DNAH9: variants seen among roughly 807,000 people sequenced by gnomAD.
The protein encoded by DNAH9 is dynein axonemal heavy chain 9, also known as DNAH9 variant protein.
DNAH9 carries 345 observed loss-of-function variants against 471.6 expected under a neutral mutation model. The ratio of observed to expected loss-of-function variants is 0.73; its 90% CI spans 0.67 to 0.80. The LOEUF is 0.80. Among genes scored for constraint, DNAH9 ranks in the 30% least tolerant of loss-of-function variants. The pLI, the probability that DNAH9 is intolerant of heterozygous loss-of-function variation, is 0.00. For missense variants in DNAH9, 5,407 were observed against 5,609.2 expected (o/e 0.96, Z 1.15); for synonymous variants, 2,093 against 2,123.6 (o/e 0.99, Z 0.40).
Position 11,690,030 on chromosome 17 carries a change from C to T in DNAH9, c.4208C>T (p.Thr1403Ile). ...GTGAGCTTCACTATGGACCAGGACA[C>T]CACCCTAGCGCACCTGCTGCAGCTC... ...TGVSFTMDQD[T>I]TLAHLLQLQL... Residue 1403 changes from threonine to isoleucine, a missense_variant, in exon 20 of 69, where the codon ACC becomes ATC. By Grantham distance (89) the Thr-to-Ile change is moderately conservative (BLOSUM62 -1). Transcript: ENST00000262442. 1 of 1,614,208 alleles carries T rather than the reference C, an allele frequency of 6.2e-7. No homozygotes were observed. The highest frequency in any genetic ancestry group is 8.5e-7 in the Non-Finnish European group (1 of 1,180,036).
chr17:11,796,296 T>C (rs1382733527), intron 42 of DNAH9, among the ~76,000 whole-genome samples: 1 of 152,258 alleles, frequency 6.6e-6, no homozygotes, highest in Non-Finnish European at 1.5e-5. Flanking sequence ...GTTTTCCTAA[T>C]AGCAAGAATA....
chr17:11,958,629 G>A (rs1340474934), intron 67 of DNAH9, among the ~76,000 whole-genome samples: 1 of 152,058 alleles, frequency 6.6e-6, no homozygotes, highest in East Asian at 1.9e-4. Flanking sequence ...CGCTCTGGTG[G>A]GGAATGTTGA....
chr17:11,680,824 G>T lies in DNAH9; in HGVS notation c.3678G>T (p.Arg1226Ser), dbSNP rs754314033. The change falls in exon 19 of 69, where the codon AGG (arginine) becomes AGT (serine). Residue 1226 changes from arginine to serine, a missense_variant. Arg to Ser is a moderately radical substitution (Grantham distance 110, BLOSUM62 -1). Transcript: ENST00000262442. ...QANEVTLLRQ[R>S]CTAFDAEQQQ... is the part of the protein sequence containing the mutation. ...ATGAAGTGACACTCCTCCGCCAGAG[G>T]TGCACAGCCTTCGATGCAGAACAGC... The T allele has an allele frequency of 2.5e-6, 4 of 1,613,776 alleles. No individual in the cohort carries two copies. In the Admixed American group the frequency reaches 6.7e-5, roughly 27 times the overall value.
intron 27 of DNAH9, among the ~76,000 whole-genome samples, chr17:11,721,444 CA>C (rs762916239): frequency 2.6e-5 from 4 of 152,068 alleles, no homozygotes; most frequent in Non-Finnish European, 4.4e-5. Context: ...CCCAGGTAAC[CA>C]AACAGCCCCA....
At chr17:11,861,064 T>C (rs1360915881) in intron 50 of DNAH9, among the ~76,000 whole-genome samples, 3 of 151,418 alleles carry the variant, frequency 2.0e-5, no homozygotes, top group Non-Finnish European at 4.4e-5. Flanking sequence ...TTAGGGTACA[T>C]GTGCACAATG....
chr17:11,854,697 T>C (rs1186817339), intron 50 of DNAH9, among the ~76,000 whole-genome samples: 1 of 152,190 alleles, frequency 6.6e-6, no homozygotes, highest in Non-Finnish European at 1.5e-5. Context: ...AGGTTAAAAT[T>C]TTGAGACTTT....
chr17:11,644,727 C>T, intron 11 of DNAH9, 28 bp downstream of exon 11: 4 of 1,526,386 alleles, frequency 2.6e-6, no homozygotes, highest in Non-Finnish European at 3.6e-6. Context: ...TTGCGTGGGT[C>T]TGCAGATTGC....
At chr17:11,734,848 G>C (rs528844529) in intron 28 of DNAH9, among the ~76,000 whole-genome samples, 3 of 152,312 alleles carry the variant, frequency 2.0e-5, no homozygotes, top group African/African-American at 7.2e-5. Flanking sequence ...ACACCCTCCC[G>C]TCTGAGAGAG....
chr17:11,845,518 C>G (rs1364762985), intron 49 of DNAH9, among the ~76,000 whole-genome samples: 1 of 150,198 alleles, frequency 6.7e-6, no homozygotes, highest in African/African-American at 2.5e-5. Flanking sequence ...TGGCTATATA[C>G]CCAGTAATGG....
At chr17:11,793,367 C>T in intron 41 of DNAH9, 136 bp from the exon 42 acceptor site, 1 of 738,972 alleles carries the variant, frequency 1.4e-6, no homozygotes, top group Non-Finnish European at 2.1e-6. Context: ...GTGTTCCCTC[C>T]ACTAGAATGA....
intron 35 of DNAH9, among the ~76,000 whole-genome samples, chr17:11,758,985 G>A (rs1967526513): frequency 6.6e-6 from 1 of 152,062 alleles, no homozygotes; most frequent in African/African-American, 2.4e-5. Context: ...AAAAAAGTCT[G>A]GAAGTGGAAA....
intron 61 of DNAH9, among the ~76,000 whole-genome samples, chr17:11,921,094 T>A (rs1211200538): frequency 2.0e-5 from 3 of 151,830 alleles, no homozygotes; most frequent in Admixed American, 1.3e-4. Context: ...TGAGGTGAGA[T>A]CGTACCACTG....
intron 7 of DNAH9, among the ~76,000 whole-genome samples, chr17:11,631,741 G>GA (rs1162103689): frequency 1.3e-5 from 2 of 151,676 alleles, no homozygotes; most frequent in Non-Finnish European, 2.9e-5. Context: ...TTTGCCCAGA[G>GA]AAAAAACTAA....
In DNAH9 at chr17:11,669,792, C is replaced by G. The variant is rs2073945793; in HGVS notation, c.3351C>G (p.His1117Gln). 6.2e-7 allele frequency: 1 copy of G among 1,612,054 alleles called. No individual in the cohort carries two copies. The highest frequency in any genetic ancestry group is 1.1e-5 in the South Asian group (1 of 91,036). ...FKQHLVDHVT[H>Q]SLANLDAFIK... ...AGCATCTTGTGGACCACGTCACTCA[C>G]AGGTACAACAGTTGTTTTCACTTTC... The change falls in exon 17 of 69, where the codon CAC becomes CAG. Residue 1117 changes from histidine to glutamine, a missense_variant and splice_region_variant. Physicochemically the swap from His to Gln is conservative, Grantham distance 24. This residue lies in a region of DNAH9 where 4,636 missense variants were observed against 4,900.3 expected (regional missense o/e 0.95). Transcript: ENST00000262442.
intron 5 of DNAH9, among the ~76,000 whole-genome samples, chr17:11,617,891 A>G (rs77381134): frequency 6.6e-6 from 1 of 152,152 alleles, no homozygotes; most frequent in Non-Finnish European, 1.5e-5. Context: ...AACCTCCTTA[A>G]TGACCTATGA....
chr17:11,794,165 C>A (rs2150909129), intron 42 of DNAH9, among the ~76,000 whole-genome samples: 1 of 151,506 alleles, frequency 6.6e-6, no homozygotes, highest in African/African-American at 2.4e-5. Flanking sequence ...CTGCCTCAGC[C>A]TCCCGAGTAG....
intron 59 of DNAH9, 56 bp from the exon 60 acceptor site, chr17:11,902,663 A>G: frequency 2.6e-6 from 4 of 1,527,984 alleles, no homozygotes; most frequent in South Asian, 1.2e-5. Flanking sequence ...CCCCAACACA[A>G]TGCAAATGAC....
chr17:11,713,429 G>C (rs1319890259), intron 26 of DNAH9, among the ~76,000 whole-genome samples: 2 of 151,966 alleles, frequency 1.3e-5, no homozygotes, highest in African/African-American at 4.8e-5. Context: ...GTAATGGGAT[G>C]GCTGGGTCAA....
At chr17:11,737,553 A>G (rs2075367686) in intron 28 of DNAH9, among the ~76,000 whole-genome samples, 1 of 152,084 alleles carries the variant, frequency 6.6e-6, no homozygotes, top group Admixed American at 6.6e-5. Context: ...GCTAGCCTGA[A>G]AGTGTGTCCC....
Sources: allele counts gnomAD v4.1 joint callset (sites outside exome capture counted in the v4.1 genomes callset), GRCh38; gene constraint gnomAD v4.1.1; regional missense constraint gnomAD v4.1.1; transcripts MANE v1.5; gene names NCBI Gene and HGNC (gene_info 2026-07-23, HGNC 2026-07-21).